The following CACNA1B variants were observed in gnomAD, a reference collection of about 807,000 sequenced individuals.
The protein encoded by CACNA1B is calcium voltage-gated channel subunit alpha1 B.
CACNA1B carries 70 observed loss-of-function variants against 247.2 expected under a neutral mutation model. The ratio of observed to expected loss-of-function variants is 0.28; its 90% confidence interval spans 0.23 to 0.35. CACNA1B has a LOEUF of 0.35. CACNA1B is among the 10% of genes least tolerant of loss of function. The probability of loss-of-function intolerance (pLI) is 1.00; values close to 1 mark genes in which losing one functional copy is unlikely to be tolerated. For missense variants in CACNA1B, 2,367 were observed against 3,197.4 expected, an observed-to-expected ratio of 0.74 and a Z score of 6.26; for synonymous variants, 1,231 against 1,294.4, an observed-to-expected ratio of 0.95 and a Z score of 1.05.
intron 31 of CACNA1B, among the ~76,000 whole-genome samples, chr9:138,065,707 T>C (rs995443027): frequency 6.6e-6 from 1 of 152,216 alleles, no homozygotes; most frequent in Middle Eastern, 3.2e-3. Context: ...GAGTTGCTAA[T>C]TGACAACTTG....
intron 15 of CACNA1B, among the ~76,000 whole-genome samples, chr9:138,003,327 C>T (rs1381184360): frequency 1.3e-5 from 2 of 151,154 alleles, no homozygotes; most frequent in Admixed American, 6.6e-5. Flanking sequence ...TGCGCACTAC[C>T]ACACCTAGCT....
intron 39 of CACNA1B, among the ~76,000 whole-genome samples, chr9:138,107,465 T>C (rs1367894617): frequency 6.6e-6 from 1 of 151,972 alleles, no homozygotes; most frequent in Admixed American, 6.6e-5. Flanking sequence ...CTGAGGATCA[T>C]CCTTTTCTCC....
chr9:138,109,538 G>A (rs1961551091), intron 39 of CACNA1B, among the ~76,000 whole-genome samples: 4 of 152,074 alleles, frequency 2.6e-5, no homozygotes, highest in Admixed American at 6.6e-5. Flanking sequence ...TGGATTTCCA[G>A]GTGTCTCCTA....
intron 12 of CACNA1B, among the ~76,000 whole-genome samples, chr9:137,978,339 G>C (rs1395278197): frequency 6.9e-6 from 1 of 145,190 alleles, no homozygotes; most frequent in Admixed American, 6.8e-5. Flanking sequence ...CCCCCAGGAG[G>C]GAGTGAAGGG....
chr9:138,040,507 G>T, intron 20 of CACNA1B: 1 of 401,216 alleles, frequency 2.5e-6, no homozygotes, highest in Non-Finnish European at 4.9e-6. Flanking sequence ...AATGATATAT[G>T]TATGGGAGTT....
chr9:137,978,873 C>T (rs1958260537), intron 12 of CACNA1B, among the ~76,000 whole-genome samples: 1 of 152,132 alleles, frequency 6.6e-6, no homozygotes, highest in South Asian at 2.1e-4. Context: ...TGCTTCTGAT[C>T]TCTGAGGAAG....
At chr9:137,949,030 TACGTGTGTGGTGTGTGTGTGGGTGTGAA>T (rs1957834864) in intron 6 of CACNA1B, among the ~76,000 whole-genome samples, 1 of 143,132 alleles carries the variant, frequency 7.0e-6, no homozygotes, top group African/African-American at 2.6e-5. Context: ...GTGTGGTGTA[TACGTGTGTGGTGTGTGTGTGGGTGTGAA>T]GTATGTGTGT....
intron 35 of CACNA1B, among the ~76,000 whole-genome samples, chr9:138,076,863 T>C (rs936249): frequency 0.87 from 132,022 of 152,204 alleles, 58,213 homozygotes; most frequent in Non-Finnish European, 0.95. Context: ...CCTGCTTTGC[T>C]GAGCTGCCTG....
chr9:138,095,697 G>A (rs1351605232), intron 36 of CACNA1B, among the ~76,000 whole-genome samples: 1 of 152,168 alleles, frequency 6.6e-6, no homozygotes, highest in African/African-American at 2.4e-5. Flanking sequence ...AATCATAATA[G>A]TCAAAAGGCA....
At chr9:137,931,265 A>G (rs551273934) in intron 6 of CACNA1B, among the ~76,000 whole-genome samples, 1 of 152,340 alleles carries the variant, frequency 6.6e-6, no homozygotes, top group African/African-American at 2.4e-5. Context: ...CCCTGGTTAC[A>G]GAATTTTCTG....
chr9:138,064,252 T>C (rs766634733), intron 31 of CACNA1B, among the ~76,000 whole-genome samples: 1 of 152,150 alleles, frequency 6.6e-6, no homozygotes, highest in Non-Finnish European at 1.5e-5. Flanking sequence ...GAGAAATGGT[T>C]GCTGTCTGGA....
chr9:138,023,001 C>G lies in CACNA1B; in HGVS notation c.2268-10C>G. On this transcript the variant is annotated splice_polypyrimidine_tract_variant and intron_variant, in intron 18 of 46. Transcript: ENST00000371372. Reference sequence around the variant, plus strand: ...AGACGGGGCCGCGCTCACCGCCAGTCTCCCCGCAGCAGGCAGCAGAACTCG... The same window carrying G: ...AGACGGGGCCGCGCTCACCGCCAGTGTCCCCGCAGCAGGCAGCAGAACTCG... 1 of 1,488,088 alleles carries G rather than the reference C, an allele frequency of 6.7e-7. No homozygotes were observed. Among genetic ancestry groups the G allele is most frequent in the African/African-American group, 1.4e-5 (1 of 69,138 alleles). The allele number at this position is 1,488,088 out of a possible 1,614,324, so 92.2% of individuals were successfully genotyped here.
At chr9:137,949,083 G>GGTGCA (rs1957837222) in intron 6 of CACNA1B, among the ~76,000 whole-genome samples, 1 of 24,142 alleles carries the variant, frequency 4.1e-5, no homozygotes. Context: ...TGTGTGGTGT[G>GGTGCA]TGTGTGGTGT....
Position 137,958,792 on chromosome 9 carries a change from C to T in CACNA1B, c.1333+1105C>T, listed in dbSNP as rs111268225. Reference sequence around the variant, plus strand: ...TTCGCCCTCATCCAGTGCTATGTGACGGCTCCTTTTGATTTTTCCCAGTTT... The same window carrying T: ...TTCGCCCTCATCCAGTGCTATGTGATGGCTCCTTTTGATTTTTCCCAGTTT... On this transcript the variant is annotated intron_variant, in intron 10 of 46. Coordinates refer to ENST00000371372, the MANE Select transcript of CACNA1B (RefSeq NM_000718.4). Among the ~76,000 whole-genome samples, 448 of 152,218 alleles carry T rather than the reference C, an allele frequency of 2.9e-3. 3 individuals are homozygous for T. The highest frequency in any genetic ancestry group is 9.9e-3 in the African/African-American group (412 of 41,540).
chr9:137,925,511 T>C (rs569248746), intron 6 of CACNA1B, among the ~76,000 whole-genome samples: 1 of 152,322 alleles, frequency 6.6e-6, no homozygotes, highest in East Asian at 1.9e-4. Flanking sequence ...AATTTCAGTG[T>C]CCATGTGTTC....
chr9:138,062,127 T>C (rs1029621061), intron 31 of CACNA1B, among the ~76,000 whole-genome samples: 1 of 152,176 alleles, frequency 6.6e-6, no homozygotes, highest in Admixed American at 6.5e-5. Context: ...ACCTAGACCT[T>C]GTTCCCTCCA....
In CACNA1B at chr9:137,995,438, A is replaced by C. The variant is rs146503345; in HGVS notation, c.1974+8584A>C. Among the ~76,000 whole-genome samples, 292 of 152,336 alleles carry C rather than the reference A, an allele frequency of 1.9e-3. 6 individuals are homozygous for C. The East Asian group carries it at 0.046, about 24-fold the overall frequency. On this transcript the variant is annotated intron_variant, in intron 15 of 46. Coordinates refer to ENST00000371372, the MANE Select transcript of CACNA1B (RefSeq NM_000718.4). ...AACAAAAACATAAAGTGGGGAAAGG[A>C]CACCCTATTCAACAAATGGTGCTGG...
chr9:138,089,850 G>T (rs896828479), intron 36 of CACNA1B, among the ~76,000 whole-genome samples: 1 of 152,060 alleles, frequency 6.6e-6, no homozygotes, highest in Non-Finnish European at 1.5e-5. Flanking sequence ...TAGCAGAAAA[G>T]AAATCAGTCT....
At position 137,899,069 on chromosome 9, in the gene CACNA1B, G is replaced by C. The variant is rs1489669441; in HGVS notation, c.531-14111G>C. On this transcript the variant is annotated intron_variant, in intron 3 of 46. Transcript: ENST00000371372. The surrounding 1 kb of genome is among the most constrained non-coding windows in gnomAD (Gnocchi z 5.0). ...TTGTAGGTGTGAGCCACCCTGCCTG[G>C]CCTTCTTTTTTCTCTCTTTCTTTCT... is the stretch of plus-strand genomic sequence containing the variant. Among the ~76,000 whole-genome samples the C allele has an allele frequency of 6.6e-6, 1 of 151,498 alleles. No homozygotes were observed. Among genetic ancestry groups the C allele is most frequent in the Non-Finnish European group, 1.5e-5 (1 of 67,898 alleles).
Sources: allele counts gnomAD v4.1 joint callset (sites outside exome capture counted in the v4.1 genomes callset), GRCh38; gene constraint gnomAD v4.1.1; non-coding constraint Gnocchi (gnomAD v3.1); transcripts MANE v1.5; gene names NCBI Gene and HGNC (gene_info 2026-07-23, HGNC 2026-07-21).